Variants in SP100 observed in about 807,000 individuals in gnomAD.
SP100 encodes SP100 nuclear body protein.
A neutral mutation model predicts 130.0 loss-of-function variants in SP100; 84 were observed. That is an observed-to-expected ratio of 0.65 (90% CI 0.54 to 0.77). SP100 has a LOEUF of 0.77. Among genes scored for constraint, SP100 ranks in the 30% least tolerant of loss-of-function variants. The probability of loss-of-function intolerance (pLI) is 0.00; values close to 1 mark genes in which losing one functional copy is unlikely to be tolerated. For synonymous variants in SP100, 331 were observed against 351.7 expected, an observed-to-expected ratio of 0.94 and a Z score of 0.66; for missense variants, 978 against 1,052.2, an observed-to-expected ratio of 0.93 and a Z score of 0.97.
At chr2:230,427,037 G>A (rs938982061) in intron 2 of SP100, among the ~76,000 whole-genome samples, 2 of 151,976 alleles carry the variant, frequency 1.3e-5, no homozygotes, top group African/African-American at 4.8e-5. Context: ...TTTACTTAAT[G>A]TATATTTCAT....
chr2:230,541,996 C>T lies in SP100; in HGVS notation c.2508C>T (p.Asp836=). Residue 836 remains aspartate (D), a synonymous_variant, in exon 28 of 29, where the codon GAC becomes GAT. Coordinates refer to ENST00000340126, the MANE Select transcript of SP100 (RefSeq NM_001080391.2). Reference sequence around the variant, plus strand: ...CCCGAGTAGAAGGGTTTGTGCAGGACATGCGTCTCATCTTTCATAACCACA... The same window carrying T: ...CCCGAGTAGAAGGGTTTGTGCAGGATATGCGTCTCATCTTTCATAACCACA... ...MYTRVEGFVQ[D]MRLIFHNHKE... 1.9e-6 allele frequency: 3 copies of T among 1,614,126 alleles called. No homozygotes were observed. Among genetic ancestry groups the T allele is most frequent in the African/African-American group, 2.7e-5 (2 of 75,046 alleles).
In SP100 at chr2:230,494,478, G is replaced by A; in HGVS notation, c.1645+18G>A. 1 of 1,591,056 alleles carries A rather than the reference G, an allele frequency of 6.3e-7. No individual in the cohort carries two copies. The highest frequency in any genetic ancestry group is 1.7e-5 in the Admixed American group (1 of 59,924). ...CCAAAGAGGTAAGAAGAAATGTGGG[G>A]ATTTACTCCTTTGAACTCGCTGTGG... On this transcript the variant is annotated intron_variant, in intron 18 of 28. Transcript: ENST00000340126.
At chr2:230,540,346 T>C (rs185014507) in intron 25 of SP100, among the ~76,000 whole-genome samples, 13 of 152,302 alleles carry the variant, frequency 8.5e-5, no homozygotes, top group Non-Finnish European at 1.8e-4. Context: ...AAATGAAAGA[T>C]ATCTGACACC....
At chr2:230,464,816 GGC>G (rs2064852431) in intron 11 of SP100, among the ~76,000 whole-genome samples, 1 of 152,172 alleles carries the variant, frequency 6.6e-6, no homozygotes, top group Admixed American at 6.5e-5. Context: ...TTTATGACCA[GGC>G]GCAGTGGCTC....
At chr2:230,534,140 G>A (rs1455360287) in intron 24 of SP100, among the ~76,000 whole-genome samples, 1 of 152,224 alleles carries the variant, frequency 6.6e-6, no homozygotes, top group East Asian at 1.9e-4. Flanking sequence ...GGGTGCGGTG[G>A]CTCACGCCTG....
chr2:230,427,970 C>T (rs2062985487), intron 2 of SP100, among the ~76,000 whole-genome samples: 2 of 152,216 alleles, frequency 1.3e-5, no homozygotes, highest in Non-Finnish European at 2.9e-5. Context: ...GTGGCTCACG[C>T]CTGTAATCCC....
chr2:230,479,067 C>T lies in SP100; in HGVS notation c.1600+4620C>T, dbSNP rs374012176. On this transcript the variant is annotated intron_variant, in intron 17 of 28. Transcript: ENST00000340126. The stretch of plus-strand genomic sequence containing the variant: ...AACTCCTGACCTCAGGTGATCCACC[C>T]GCCTTGGCTTCCCAAAGTGCTGGGA... 3.2e-3 allele frequency among the ~76,000 whole-genome samples: 487 copies of T among 152,292 alleles called. 1 individual carries two copies. Among genetic ancestry groups the T allele is most frequent in the African/African-American group, 0.01 (435 of 41,564 alleles).
intron 15 of SP100, among the ~76,000 whole-genome samples, chr2:230,471,552 T>C (rs1477465921): frequency 6.6e-6 from 1 of 152,202 alleles, no homozygotes. Flanking sequence ...CAGTTCATTA[T>C]TAATTATCTT....
chr2:230,510,397 C>T, intron 23 of SP100: 1 of 150,002 alleles, frequency 6.7e-6, no homozygotes. Context: ...AGACTCTGGG[C>T]CCTGTGGTCA....
chr2:230,422,458 G>A (rs921828482), intron 2 of SP100, among the ~76,000 whole-genome samples: 3 of 152,054 alleles, frequency 2.0e-5, no homozygotes, highest in Non-Finnish European at 4.4e-5. Flanking sequence ...TTTCCAACTC[G>A]CCTTCTAAAG....
intron 24 of SP100, among the ~76,000 whole-genome samples, chr2:230,534,715 G>T (rs1691850714): frequency 6.6e-6 from 1 of 152,204 alleles, no homozygotes; most frequent in Non-Finnish European, 1.5e-5. Flanking sequence ...TTGTTAATAT[G>T]TGTTCCAGGA....
At chr2:230,489,015 T>G (rs189982709) in intron 17 of SP100, among the ~76,000 whole-genome samples, 1 of 152,350 alleles carries the variant, frequency 6.6e-6, no homozygotes, top group Admixed American at 6.5e-5. Context: ...GGTTTTGGTA[T>G]CAGGATGATG....
At position 230,503,092 on chromosome 2, in the gene SP100, A is replaced by C. The variant is rs1299265363; in HGVS notation, c.1747A>C (p.Lys583Gln). 6.2e-7 allele frequency: 1 copy of C among 1,603,986 alleles called. No homozygotes were observed. The highest frequency in any genetic ancestry group is 8.5e-7 in the Non-Finnish European group (1 of 1,173,246). Reference protein sequence around the residue: ...RGRKANTRPLKRRRKRGPRIP... With the variant: ...RGRKANTRPLQRRRKRGPRIP... ...AAGAAAAGCCAACACTAGACCTTTG[A>C]AAAGAAGAAGAAAAAGAGGTAAATA... Residue 583 changes from lysine to glutamine, a missense_variant, in exon 20 of 29, where the codon AAA becomes CAA. Physicochemically the swap from Lys to Gln is moderately conservative, Grantham distance 53. Coordinates refer to ENST00000340126, the MANE Select transcript of SP100 (RefSeq NM_001080391.2).
intron 17 of SP100, among the ~76,000 whole-genome samples, chr2:230,477,056 G>A (rs759942946): frequency 2.5e-4 from 38 of 152,026 alleles, no homozygotes; most frequent in South Asian, 4.2e-4. Flanking sequence ...TAGTAGAGTC[G>A]GTGTTTCACT....
chr2:230,507,610 T>C (rs1463749831), intron 22 of SP100, among the ~76,000 whole-genome samples: 2 of 152,022 alleles, frequency 1.3e-5, no homozygotes, highest in Admixed American at 6.6e-5. Context: ...ATTTCTGGCT[T>C]TGAGGTTGAG....
chr2:230,487,299 T>C (rs1172260064), intron 17 of SP100, among the ~76,000 whole-genome samples: 1 of 152,246 alleles, frequency 6.6e-6, no homozygotes, highest in African/African-American at 2.4e-5. Flanking sequence ...ATTTTATGGC[T>C]TTGGGTTATA....
At chr2:230,541,859 C>A in intron 27 of SP100, 33 bp from the exon 28 acceptor site, 1 of 1,606,952 alleles carries the variant, frequency 6.2e-7, no homozygotes. Context: ...TGGCACTGGG[C>A]TGATAGCCTC....
intron 15 of SP100, chr2:230,473,072 T>G: frequency 3.0e-6 from 1 of 330,242 alleles, no homozygotes; most frequent in Non-Finnish European, 5.7e-6. Context: ...AAACCAGCCT[T>G]TGCTCCTCCA....
chr2:230,435,339 A>G, intron 2 of SP100, among the ~76,000 whole-genome samples: 1 of 152,166 alleles, frequency 6.6e-6, no homozygotes, highest in Admixed American at 6.5e-5. Flanking sequence ...CTTTTTATTA[A>G]TAGACTGTAG....
Sources: gnomAD v4.1 joint callset for allele counts (sites outside exome capture counted in the v4.1 genomes callset) on GRCh38, gnomAD v4.1.1 for gene constraint, MANE v1.5 for transcripts, NCBI Gene and HGNC (gene_info 2026-07-23, HGNC 2026-07-21) for gene names.